The following CRACDL variants were observed in gnomAD, a reference collection of about 807,000 sequenced individuals.
The protein encoded by CRACDL is CRACD-like protein.
CRACDL carries 26 observed loss-of-function variants against 70.6 expected under a neutral mutation model. That is an observed-to-expected ratio of 0.37 (90% CI 0.27 to 0.51). The LOEUF (loss-of-function observed/expected upper bound fraction) is 0.51. Among genes scored for constraint, CRACDL ranks in the 20% least tolerant of loss-of-function variants. CRACDL has a pLI of 0.94. For missense variants in CRACDL, 1,283 were observed against 1,376.9 expected (o/e 0.93, Z 1.08); for synonymous variants, 618 against 615.2 (o/e 1.00, Z -0.07).
At chr2:98,892,807 T>C (rs1708013347) in intron 1 of CRACDL, among the ~76,000 whole-genome samples, 1 of 152,164 alleles carries the variant, frequency 6.6e-6, no homozygotes, top group African/African-American at 2.4e-5. Flanking sequence ...ATATTATATA[T>C]ATGTAAATGT....
At chr2:98,902,656 G>A (rs1708310852) in intron 1 of CRACDL, among the ~76,000 whole-genome samples, 1 of 152,098 alleles carries the variant, frequency 6.6e-6, no homozygotes, top group South Asian at 2.1e-4. Flanking sequence ...CCCTGGAGCT[G>A]GAGGGAAGGG....
chr2:98,921,395 G>A lies in CRACDL; in HGVS notation c.-11+14543C>T, dbSNP rs186051120. Among the ~76,000 whole-genome samples, 241 of 152,378 alleles carry A rather than the reference G, an allele frequency of 1.6e-3. 1 individual carries two copies. Among genetic ancestry groups the A allele is most frequent in the Middle Eastern group, 0.01 (3 of 294 alleles). ...GAATAATACAATGCAGACAGGCAAA[G>A]GAGGAAACCAACACTGGGCAGTGCC... On this transcript the variant is annotated intron_variant, in intron 1 of 9. Transcript: ENST00000397899.
At chr2:98,932,337 A>G (rs1386089422) in intron 1 of CRACDL, among the ~76,000 whole-genome samples, 1 of 152,180 alleles carries the variant, frequency 6.6e-6, no homozygotes, top group Non-Finnish European at 1.5e-5. Flanking sequence ...CACCTCCTCC[A>G]AGAAGCTTCC....
chr2:98,931,992 T>TA (rs1247158167), intron 1 of CRACDL, among the ~76,000 whole-genome samples: 6 of 152,364 alleles, frequency 3.9e-5, no homozygotes, highest in African/African-American at 1.2e-4. Flanking sequence ...AAATGTGTCT[T>TA]AAGGACTCTT....
intron 7 of CRACDL, among the ~76,000 whole-genome samples, chr2:98,811,566 G>C (rs1303959178): frequency 2.9e-5 from 4 of 138,726 alleles, no homozygotes; most frequent in African/African-American, 1.1e-4. Flanking sequence ...TTTATAGATA[G>C]TAAAATTCAC....
rs891262569 is a variant in CRACDL at position 98,829,162 on chromosome 2, T to C, written c.541-1993A>G. On this transcript the variant is annotated intron_variant, in intron 5 of 9. Transcript: ENST00000397899. ...CTCCTCTTTATAGAATAAAGCCCAA[T>C]ACCCTGAAGGCTCTGAAGGATGCAC... Among the ~76,000 whole-genome samples the C allele has an allele frequency of 1.3e-5, 2 of 152,218 alleles. 1 individual carries two copies. Among genetic ancestry groups the C allele is most frequent in the South Asian group, 4.1e-4 (2 of 4,832 alleles).
chr2:98,823,600 C>A lies in CRACDL; in HGVS notation c.736-63G>T. On this transcript the variant is annotated intron_variant, in intron 6 of 9. Coordinates refer to ENST00000397899, the MANE Select transcript of CRACDL (RefSeq NM_207362.3). The surrounding 1 kb of genome is among the most constrained non-coding windows in gnomAD (Gnocchi z 4.0). ...CCAATTCCAGGAAGCCTGTCACCTC[C>A]CCACTTTTTTCAAGGCTTATAATGG... 6.5e-7 allele frequency: 1 copy of A among 1,531,160 alleles called. No homozygotes were observed. Among genetic ancestry groups the A allele is most frequent in the South Asian group, 1.2e-5 (1 of 83,802 alleles). The allele number at this position is 1,531,160 out of a possible 1,614,324, so 94.8% of individuals were successfully genotyped here. A position where few individuals can be genotyped will look rare whatever the true frequency, so the allele number is the denominator to read the frequency against.
At chr2:98,883,031 T>C (rs1707699993) in intron 1 of CRACDL, among the ~76,000 whole-genome samples, 1 of 152,220 alleles carries the variant, frequency 6.6e-6, no homozygotes, top group African/African-American at 2.4e-5. Context: ...ATGGCCACAC[T>C]TCTCCTGCCA....
rs1573197225 is a variant in CRACDL, at chr2:98,917,292, T to C, written c.-11+18646A>G. Among the ~76,000 whole-genome samples, 3 of 152,342 alleles carry C rather than the reference T, an allele frequency of 2.0e-5. No homozygotes were observed. In the East Asian group the frequency reaches 5.8e-4, roughly 29 times the overall value. ...TAACATTGTGATGAACATCCTTGCATAGGAATTTTGGACTGCAGATTTAAT... is the reference window on the plus strand; with the variant it reads ...TAACATTGTGATGAACATCCTTGCACAGGAATTTTGGACTGCAGATTTAAT... On this transcript the variant is annotated intron_variant, in intron 1 of 9. Coordinates refer to ENST00000397899, the MANE Select transcript of CRACDL (RefSeq NM_207362.3).
chr2:98,896,692 G>A (rs1423986002), intron 1 of CRACDL, among the ~76,000 whole-genome samples: 1 of 152,156 alleles, frequency 6.6e-6, no homozygotes, highest in African/African-American at 2.4e-5. Context: ...GAGGGCTGGG[G>A]TCTGAGCCTG....
chr2:98,930,942 A>ATGTG (rs140634438), intron 1 of CRACDL, among the ~76,000 whole-genome samples: 2,544 of 149,736 alleles, frequency 0.017, 81 homozygotes, highest in African/African-American at 0.058. Context: ...ATGCTCATGT[A>ATGTG]TGTGTGTGTG....
At chr2:98,805,149 A>C (rs899107350) in intron 7 of CRACDL, among the ~76,000 whole-genome samples, 3 of 152,162 alleles carry the variant, frequency 2.0e-5, no homozygotes, top group African/African-American at 7.2e-5. Context: ...GAAAGGGGAC[A>C]CGGCAGGGCC....
chr2:98,836,642 A>G (rs1209389514), intron 3 of CRACDL, among the ~76,000 whole-genome samples: 1 of 152,184 alleles, frequency 6.6e-6, no homozygotes, highest in Non-Finnish European at 1.5e-5. Flanking sequence ...CTCCAACACC[A>G]GAACTGTGTG....
chr2:98,893,060 G>A (rs887390860), intron 1 of CRACDL, among the ~76,000 whole-genome samples: 2 of 152,236 alleles, frequency 1.3e-5, no homozygotes, highest in Admixed American at 1.3e-4. Context: ...GAGCATCTTC[G>A]GCCCAGAAAG....
chr2:98,831,830 C>T (rs995399616), intron 5 of CRACDL, among the ~76,000 whole-genome samples: 13 of 152,124 alleles, frequency 8.5e-5, no homozygotes, highest in African/African-American at 2.9e-4. Flanking sequence ...TCATCAGTTC[C>T]TCTCTTGCTT....
At chr2:98,877,801 A>T (rs1335667001) in intron 1 of CRACDL, among the ~76,000 whole-genome samples, 1 of 152,108 alleles carries the variant, frequency 6.6e-6, no homozygotes, top group Non-Finnish European at 1.5e-5. Context: ...CTCGGTTCAT[A>T]GTGTTTATAA....
Position 98,900,665 on chromosome 2 carries a change from G to A in CRACDL, c.-11+35273C>T, listed in dbSNP as rs147581719. On this transcript the variant is annotated intron_variant, in intron 1 of 9. Coordinates refer to ENST00000397899, the MANE Select transcript of CRACDL (RefSeq NM_207362.3). The stretch of plus-strand genomic sequence containing the variant: ...TGCATGCGTGTGTGTGGAGGGTGGC[G>A]GTGCTGTTTAGTAAAGTACTGTTTG... 4.6e-5 allele frequency among the ~76,000 whole-genome samples: 7 copies of A among 152,162 alleles called. No individual in the cohort carries two copies. In the East Asian group the frequency reaches 1.2e-3, roughly 25 times the overall value.
chr2:98,822,862 C>G lies in CRACDL; in HGVS notation c.1411G>C (p.Gly471Arg). 6.8e-7 allele frequency: 1 copy of G among 1,460,386 alleles called. No individual in the cohort carries two copies. Among genetic ancestry groups the G allele is most frequent in the East Asian group, 2.7e-5 (1 of 36,934 alleles). 90.5% of individuals were successfully genotyped at this position (1,460,386 alleles called of 1,614,324 possible). Residue 471 changes from glycine (G) to arginine (R), a missense_variant, in exon 7 of 10, where the codon GGA becomes CGA. Transcript: ENST00000397899. This position sits in a 1 kb window ranked among gnomAD's most constrained non-coding sequence, Gnocchi z 4.9. Reference protein sequence around the residue: ...EREAETEPERGAGTEPERIGT... With the variant: ...EREAETEPERRAGTEPERIGT... ...ATTCTCTCGGGCTCGGTCCCCGCTC[C>G]TCTCTCGGGCTCCGTCTCCGCTTCT...
chr2:98,929,862 G>A (rs142939634), intron 1 of CRACDL, among the ~76,000 whole-genome samples: 28 of 152,206 alleles, frequency 1.8e-4, no homozygotes, highest in Non-Finnish European at 3.2e-4. Flanking sequence ...GAGGAGATAC[G>A]AGCTCTAAGA....
Sources: allele counts gnomAD v4.1 joint callset (sites outside exome capture counted in the v4.1 genomes callset), GRCh38; gene constraint gnomAD v4.1.1; non-coding constraint Gnocchi (gnomAD v3.1); transcripts MANE v1.5; gene names NCBI Gene and HGNC (gene_info 2026-07-23, HGNC 2026-07-21).